Variants in SHISA9 observed in about 807,000 individuals in gnomAD.
SHISA9 encodes the protein shisa family member 9, also known as protein shisa-9.
In SHISA9, 13 loss-of-function variants were observed where a neutral mutation model predicts 38.0. The ratio of observed to expected loss-of-function variants is 0.34; its 90% confidence interval spans 0.22 to 0.54. SHISA9 has a LOEUF of 0.54. Ranked by LOEUF, SHISA9 falls within the 20% of genes least tolerant of loss-of-function variation. The pLI is 0.91. For synonymous variants in SHISA9, 275 were observed against 242.0 expected, an observed-to-expected ratio of 1.14 and a Z score of -1.27; for missense variants, 538 against 575.8, an observed-to-expected ratio of 0.93 and a Z score of 0.67.
chr16:13,501,724 C>A, the SHISA9 span, among the ~76,000 whole-genome samples: 1 of 152,034 alleles, frequency 6.6e-6, no homozygotes, highest in African/African-American at 2.4e-5. Context: ...TGAAAGAGGG[C>A]GGGCACGGTG....
At chr16:13,090,557 T>C (rs28820393) in intron 2 of SHISA9, among the ~76,000 whole-genome samples, 7,820 of 152,282 alleles carry the variant, frequency 0.051, 334 homozygotes, top group Admixed American at 0.14. Context: ...CATTATGTAA[T>C]GGTCTTTTTG....
the SHISA9 span, among the ~76,000 whole-genome samples, chr16:13,357,268 G>A: frequency 6.6e-6 from 1 of 152,198 alleles, no homozygotes; most frequent in African/African-American, 2.4e-5. Context: ...GGAGTTTTGG[G>A]TTCACGGATA....
the SHISA9 span, among the ~76,000 whole-genome samples, chr16:13,303,709 C>A: frequency 6.6e-6 from 1 of 152,134 alleles, no homozygotes; most frequent in Non-Finnish European, 1.5e-5. Context: ...TTCTAAATGC[C>A]ACCGAATTGT....
the SHISA9 span, among the ~76,000 whole-genome samples, chr16:13,298,287 C>A: frequency 6.6e-6 from 1 of 152,120 alleles, no homozygotes; most frequent in Admixed American, 6.5e-5. Flanking sequence ...CTGGAAGGAA[C>A]TGATGATCAA....
rs111993861 is a variant in SHISA9, at chr16:12,907,967, G to A, written c.563+5340G>A. ...AGTCAGTCAAGTTGCTCTGCATAGC[G>A]CAGACTCCAGTCAGATGGCCTGAGA... On this transcript the variant is annotated intron_variant, in intron 1 of 4. Transcript: ENST00000558583. Among the ~76,000 whole-genome samples, 840 of 152,244 alleles carry A rather than the reference G, an allele frequency of 5.5e-3. 6 individuals carry two copies. Among genetic ancestry groups the A allele is most frequent in the African/African-American group, 0.019 (805 of 41,542 alleles).
chr16:13,446,869 G>T, the SHISA9 span, among the ~76,000 whole-genome samples: 2 of 151,786 alleles, frequency 1.3e-5, no homozygotes, highest in Admixed American at 1.3e-4. Flanking sequence ...AGTCCCAGCT[G>T]CTTGGGAGGC....
At chr16:13,292,881 C>T in the SHISA9 span, among the ~76,000 whole-genome samples, 1 of 152,162 alleles carries the variant, frequency 6.6e-6, no homozygotes, top group Non-Finnish European at 1.5e-5. Context: ...CAGAAGTCAT[C>T]TTTTGGAAAT....
intron 3 of SHISA9, among the ~76,000 whole-genome samples, chr16:13,208,433 C>CTTTTTTTTTTT (rs148636082): frequency 5.8e-5 from 7 of 119,852 alleles, no homozygotes; most frequent in Admixed American, 2.6e-4. Flanking sequence ...CTTTCTTTTT[C>CTTTTTTTTTTT]TTTTTTTTTC....
the SHISA9 span, among the ~76,000 whole-genome samples, chr16:13,487,461 C>T: frequency 1.3e-5 from 2 of 152,116 alleles, no homozygotes; most frequent in Non-Finnish European, 2.9e-5. Context: ...AGGAAGGAGG[C>T]AGGGGCTGCC....
the SHISA9 span, among the ~76,000 whole-genome samples, chr16:13,348,425 G>T: frequency 6.6e-6 from 1 of 151,918 alleles, no homozygotes; most frequent in Non-Finnish European, 1.5e-5. Flanking sequence ...CAGCAGTTTT[G>T]TGCTAAGCAT....
rs138022835 is a variant in SHISA9 at position 12,973,389 on chromosome 16, T to C, written c.691+56574T>C. On this transcript the variant is annotated intron_variant, in intron 2 of 4. Coordinates refer to ENST00000558583, the MANE Select transcript of SHISA9 (RefSeq NM_001145204.3). ...CCTGTTGTTTCGCTGGAGAGTTCAATTCTAGTGCTGCTTGGGAAGTGATTC... is the reference window on the plus strand; with the variant it reads ...CCTGTTGTTTCGCTGGAGAGTTCAACTCTAGTGCTGCTTGGGAAGTGATTC... 1.6e-4 allele frequency among the ~76,000 whole-genome samples: 25 copies of C among 152,312 alleles called. No individual in the cohort carries two copies. The East Asian group carries it at 4.8e-3, about 29-fold the overall frequency.
At chr16:12,926,858 G>A (rs975476399) in intron 2 of SHISA9, among the ~76,000 whole-genome samples, 24 of 152,214 alleles carry the variant, frequency 1.6e-4, no homozygotes, top group African/African-American at 5.8e-4. Flanking sequence ...AGGACTATTT[G>A]TCTTACACTA....
the SHISA9 span, among the ~76,000 whole-genome samples, chr16:13,485,259 T>C: frequency 6.6e-6 from 1 of 152,042 alleles, no homozygotes; most frequent in Non-Finnish European, 1.5e-5. Context: ...TTCTCATTGG[T>C]CAACTCCCAC....
chr16:12,978,852 C>T (rs1026613554), intron 2 of SHISA9, among the ~76,000 whole-genome samples: 3 of 152,176 alleles, frequency 2.0e-5, no homozygotes, highest in African/African-American at 7.2e-5. Context: ...AGACAAAATA[C>T]ACCCAAGTAG....
chr16:13,466,362 C>G, the SHISA9 span, among the ~76,000 whole-genome samples: 1 of 152,128 alleles, frequency 6.6e-6, no homozygotes, highest in Admixed American at 6.5e-5. Context: ...GTCTGGAATA[C>G]AGGAGATCCG....
chr16:13,315,958 A>C, the SHISA9 span, among the ~76,000 whole-genome samples: 1 of 152,070 alleles, frequency 6.6e-6, no homozygotes, highest in Non-Finnish European at 1.5e-5. Flanking sequence ...GTTGCTCACT[A>C]CATATTGCAT....
At chr16:12,991,947 A>C (rs1022895248) in intron 2 of SHISA9, among the ~76,000 whole-genome samples, 2 of 152,224 alleles carry the variant, frequency 1.3e-5, no homozygotes, top group Non-Finnish European at 2.9e-5. Context: ...ACACTAAAAT[A>C]GATATTAAGT....
the SHISA9 span, among the ~76,000 whole-genome samples, chr16:13,303,261 A>T: frequency 6.6e-6 from 1 of 152,354 alleles, no homozygotes; most frequent in African/African-American, 2.4e-5. Flanking sequence ...TACTGAAAAA[A>T]ATACATGTGC....
intron 2 of SHISA9, among the ~76,000 whole-genome samples, chr16:12,932,507 A>G (rs1045525264): frequency 6.6e-6 from 1 of 151,894 alleles, no homozygotes; most frequent in African/African-American, 2.4e-5. Flanking sequence ...ATGCCTCGCT[A>G]ATTTAGTATT....
Sources: gnomAD v4.1 joint callset for allele counts (sites outside exome capture counted in the v4.1 genomes callset) on GRCh38, gnomAD v4.1.1 for gene constraint, MANE v1.5 for transcripts, NCBI Gene and HGNC (gene_info 2026-07-23, HGNC 2026-07-21) for gene names.